The following LHFPL3 variants were observed in gnomAD, a reference collection of about 807,000 sequenced individuals.
LHFPL3 encodes LHFPL tetraspan subfamily member 3.
LHFPL3 carries 5 observed loss-of-function variants against 19.3 expected under a neutral mutation model. The ratio of observed to expected loss-of-function variants is 0.26; its 90% CI spans 0.14 to 0.54. The LOEUF (loss-of-function observed/expected upper bound fraction) is 0.54, where lower values mean the gene tolerates loss of function less well. LHFPL3 is among the 20% of genes least tolerant of loss of function. The pLI, the probability that LHFPL3 is intolerant of heterozygous loss-of-function variation, is 0.94. For synonymous variants in LHFPL3, 133 were observed against 126.2 expected, an observed-to-expected ratio of 1.05 and a Z score of -0.36; for missense variants, 249 against 307.4, an observed-to-expected ratio of 0.81 and a Z score of 1.42.
At chr7:104,414,979 C>T (rs558990556) in intron 1 of LHFPL3, among the ~76,000 whole-genome samples, 6 of 152,048 alleles carry the variant, frequency 3.9e-5, no homozygotes, top group South Asian at 2.1e-4. Flanking sequence ...AAACAAATTG[C>T]GCATATAGTT....
At chr7:104,867,114 A>G (rs1378083196) in intron 2 of LHFPL3, among the ~76,000 whole-genome samples, 1 of 152,250 alleles carries the variant, frequency 6.6e-6, no homozygotes, top group Admixed American at 6.5e-5. Flanking sequence ...AATGCCCACA[A>G]GAGAAAGCAG....
At chr7:104,435,574 T>C (rs1190658443) in intron 1 of LHFPL3, among the ~76,000 whole-genome samples, 1 of 147,534 alleles carries the variant, frequency 6.8e-6, no homozygotes. Context: ...TTTTTTTTTT[T>C]ACTTTTATCA....
At chr7:104,864,852 G>A (rs187030118) in intron 2 of LHFPL3, among the ~76,000 whole-genome samples, 6 of 152,258 alleles carry the variant, frequency 3.9e-5, no homozygotes, top group Admixed American at 1.3e-4. Context: ...CACCTCACAC[G>A]GCCGGGTACT....
chr7:104,607,331 G>C (rs560885816), intron 1 of LHFPL3, among the ~76,000 whole-genome samples: 1 of 152,286 alleles, frequency 6.6e-6, no homozygotes, highest in East Asian at 1.9e-4. Context: ...TTTGTAAATG[G>C]AGTTTCAATC....
intron 1 of LHFPL3, among the ~76,000 whole-genome samples, chr7:104,465,909 G>C (rs539224621): frequency 1.3e-5 from 2 of 152,134 alleles, no homozygotes; most frequent in South Asian, 2.1e-4. Flanking sequence ...TTTGATTTCT[G>C]TTTTAATTTC....
At chr7:104,900,349 C>A (rs927775137) in intron 2 of LHFPL3, among the ~76,000 whole-genome samples, 2 of 152,148 alleles carry the variant, frequency 1.3e-5, no homozygotes, top group Admixed American at 6.5e-5. Context: ...TAATTGAAAT[C>A]CCTTCTTGTG....
chr7:104,688,718 C>G (rs1026519370), intron 1 of LHFPL3, among the ~76,000 whole-genome samples: 1 of 152,172 alleles, frequency 6.6e-6, no homozygotes, highest in Non-Finnish European at 1.5e-5. Flanking sequence ...CTCCTCAGGA[C>G]CCACCCCAAC....
intron 1 of LHFPL3, among the ~76,000 whole-genome samples, chr7:104,722,250 G>A (rs1793503053): frequency 1.3e-5 from 2 of 152,110 alleles, no homozygotes; most frequent in South Asian, 2.1e-4. Flanking sequence ...AGCTGATACC[G>A]CACAATGTGT....
intron 1 of LHFPL3, among the ~76,000 whole-genome samples, chr7:104,473,033 A>G (rs1761107759): frequency 6.6e-6 from 1 of 152,238 alleles, no homozygotes; most frequent in Non-Finnish European, 1.5e-5. Flanking sequence ...TCAAATGGCC[A>G]TAATTGTAAT....
chr7:104,441,494 T>C (rs1483863011), intron 1 of LHFPL3, among the ~76,000 whole-genome samples: 2 of 152,248 alleles, frequency 1.3e-5, no homozygotes, highest in African/African-American at 4.8e-5. Context: ...GATATTTATG[T>C]TGTTTCCATA....
At chr7:104,829,431 TA>T (rs1319875224) in intron 2 of LHFPL3, among the ~76,000 whole-genome samples, 2 of 151,746 alleles carry the variant, frequency 1.3e-5, no homozygotes, top group African/African-American at 2.4e-5. Context: ...CTGCACCCAT[TA>T]ACTTGTCATT....
intron 2 of LHFPL3, among the ~76,000 whole-genome samples, chr7:104,750,134 A>C (rs1794134464): frequency 6.6e-6 from 1 of 152,222 alleles, no homozygotes; most frequent in African/African-American, 2.4e-5. Context: ...GGCCCTAAGC[A>C]ATGTAAAATC....
At chr7:104,493,304 C>T (rs778691993) in intron 1 of LHFPL3, among the ~76,000 whole-genome samples, 2 of 151,788 alleles carry the variant, frequency 1.3e-5, no homozygotes, top group Non-Finnish European at 1.5e-5. Flanking sequence ...CTCTTCCTAC[C>T]CTACCCCAGG....
At chr7:104,512,644 G>C (rs1272280058) in intron 1 of LHFPL3, among the ~76,000 whole-genome samples, 1 of 152,088 alleles carries the variant, frequency 6.6e-6, no homozygotes, top group African/African-American at 2.4e-5. Context: ...GCTGAGGCAG[G>C]AGAATCACTT....
chr7:104,599,119 T>G (rs978170697), intron 1 of LHFPL3, among the ~76,000 whole-genome samples: 2 of 152,254 alleles, frequency 1.3e-5, no homozygotes, highest in African/African-American at 4.8e-5. Flanking sequence ...AACTCACTTA[T>G]GATTCTTACA....
intron 1 of LHFPL3, among the ~76,000 whole-genome samples, chr7:104,332,873 A>G (rs1801596588): frequency 6.6e-6 from 1 of 152,126 alleles, no homozygotes; most frequent in Admixed American, 6.5e-5. Flanking sequence ...AGACATAAAA[A>G]TAATACATAA....
intron 1 of LHFPL3, among the ~76,000 whole-genome samples, chr7:104,386,390 C>T (rs538382004): frequency 6.6e-6 from 1 of 152,214 alleles, no homozygotes; most frequent in African/African-American, 2.4e-5. Flanking sequence ...ACCACAGTTG[C>T]CTGAGATTCC....
chr7:104,626,174 A>G (rs755655847), intron 1 of LHFPL3, among the ~76,000 whole-genome samples: 6 of 152,190 alleles, frequency 3.9e-5, no homozygotes, highest in Admixed American at 6.5e-5. Flanking sequence ...AATATTTTAG[A>G]CATGAGTGCC....
At chr7:104,656,894 A>G (rs1337871260) in intron 1 of LHFPL3, among the ~76,000 whole-genome samples, 1 of 152,204 alleles carries the variant, frequency 6.6e-6, no homozygotes, top group Admixed American at 6.5e-5. Context: ...GGTGTATAGC[A>G]CTTTCCTTTG....
Sources: allele counts gnomAD v4.1 joint callset (sites outside exome capture counted in the v4.1 genomes callset), GRCh38; gene constraint gnomAD v4.1.1; transcripts MANE v1.5; gene names NCBI Gene and HGNC (gene_info 2026-07-23, HGNC 2026-07-21).